Variants in EHBP1 observed in about 807,000 individuals in gnomAD.
EHBP1 encodes EH domain-binding protein 1.
EHBP1 carries 55 observed loss-of-function variants against 144.0 expected under a neutral mutation model. That is an observed-to-expected ratio of 0.38 (90% CI 0.31 to 0.48). The LOEUF is 0.48. Ranked by LOEUF, EHBP1 falls within the 20% of genes least tolerant of loss-of-function variation. The pLI is 0.98. For synonymous variants in EHBP1, 469 were observed against 472.7 expected, an observed-to-expected ratio of 0.99 and a Z score of 0.10; for missense variants, 1,200 against 1,364.2, an observed-to-expected ratio of 0.88 and a Z score of 1.90.
intron 5 of EHBP1, among the ~76,000 whole-genome samples, chr2:62,795,127 CAAGCCTCTTTT>C (rs1010695484): frequency 7.2e-5 from 11 of 151,976 alleles, no homozygotes; most frequent in African/African-American, 2.4e-4. Flanking sequence ...TAGCACAGGT[CAAGCCTCTTTT>C]AATTTATGAG....
At chr2:62,997,596 T>A (rs1267115989) in intron 19 of EHBP1, among the ~76,000 whole-genome samples, 1 of 152,152 alleles carries the variant, frequency 6.6e-6, no homozygotes, top group Middle Eastern at 3.2e-3. Flanking sequence ...ATTCCTGTAA[T>A]CTAATTAATT....
At chr2:62,996,536 A>G in intron 18 of EHBP1, 107 bp from the exon 19 acceptor site, 3 of 1,389,840 alleles carry the variant, frequency 2.2e-6, no homozygotes, top group Non-Finnish European at 3.0e-6. Context: ...GGTGATACTA[A>G]CGGTGTATTT....
chr2:62,843,679 A>C (rs1049058727), intron 7 of EHBP1, among the ~76,000 whole-genome samples: 2 of 152,156 alleles, frequency 1.3e-5, no homozygotes, highest in Non-Finnish European at 2.9e-5. Context: ...AAAGTTACTA[A>C]CTTTCAGGGA....
chr2:62,984,717 A>G (rs921815447), intron 15 of EHBP1, among the ~76,000 whole-genome samples: 3 of 152,208 alleles, frequency 2.0e-5, no homozygotes, highest in African/African-American at 4.8e-5. Flanking sequence ...CCTGAGCTGT[A>G]TAGATCACTT....
intron 1 of EHBP1, among the ~76,000 whole-genome samples, chr2:62,694,647 A>G (rs1457171882): frequency 6.6e-6 from 1 of 152,158 alleles, no homozygotes; most frequent in Non-Finnish European, 1.5e-5. Context: ...TTAGAGCTGG[A>G]AGGGGTCTTA....
At chr2:62,892,741 C>CG (rs1450874529) in intron 10 of EHBP1, among the ~76,000 whole-genome samples, 2 of 152,038 alleles carry the variant, frequency 1.3e-5, no homozygotes, top group African/African-American at 4.8e-5. Context: ...TTTGCTCCCT[C>CG]CCACCCTCAA....
At chr2:62,791,589 G>A (rs190404111) in intron 5 of EHBP1, among the ~76,000 whole-genome samples, 19 of 151,870 alleles carry the variant, frequency 1.3e-4, no homozygotes, top group African/African-American at 4.1e-4. Flanking sequence ...TTCTGTAATC[G>A]AGTGAAAAAT....
chr2:62,864,114 T>C (rs1365126282), intron 8 of EHBP1, among the ~76,000 whole-genome samples: 1 of 151,800 alleles, frequency 6.6e-6, no homozygotes, highest in African/African-American at 2.4e-5. Context: ...TCCCAAAGAG[T>C]TGGGATTACA....
chr2:62,995,866 T>G (rs372984723), intron 18 of EHBP1, among the ~76,000 whole-genome samples: 1 of 152,084 alleles, frequency 6.6e-6, no homozygotes, highest in African/African-American at 2.4e-5. Flanking sequence ...AAAAATATAT[T>G]TTTTTAAACA....
chr2:62,899,651 A>G (rs1437884891), intron 10 of EHBP1, among the ~76,000 whole-genome samples: 1 of 152,228 alleles, frequency 6.6e-6, no homozygotes, highest in Non-Finnish European at 1.5e-5. Context: ...GGAGTTCCAC[A>G]CTGAGGCCAT....
chr2:62,874,570 T>A, intron 10 of EHBP1, 38 bp downstream of exon 10: 1 of 1,488,644 alleles, frequency 6.7e-7, no homozygotes, highest in Non-Finnish European at 9.1e-7. Flanking sequence ...TATTAATATT[T>A]GCTGTTTTCT....
intron 3 of EHBP1, among the ~76,000 whole-genome samples, chr2:62,752,746 T>C (rs2039875391): frequency 6.6e-6 from 1 of 152,148 alleles, no homozygotes; most frequent in South Asian, 2.1e-4. Flanking sequence ...GCCTTCTTTG[T>C]CTCTTTTGGT....
At chr2:62,849,579 A>G (rs981466124) in intron 7 of EHBP1, among the ~76,000 whole-genome samples, 21 of 152,226 alleles carry the variant, frequency 1.4e-4, no homozygotes, top group African/African-American at 5.1e-4. Context: ...ATACATGCAT[A>G]CATGCATAGA....
At chr2:62,750,628 T>A (rs2039601611) in intron 3 of EHBP1, among the ~76,000 whole-genome samples, 1 of 152,248 alleles carries the variant, frequency 6.6e-6, no homozygotes, top group South Asian at 2.1e-4. Flanking sequence ...TGGAATGTTC[T>A]TGCATTTGTT....
chr2:62,780,749 A>T (rs2042367100), intron 5 of EHBP1, among the ~76,000 whole-genome samples: 1 of 152,214 alleles, frequency 6.6e-6, no homozygotes, highest in Non-Finnish European at 1.5e-5. Flanking sequence ...TACATGCCAG[A>T]TAATTTATTT....
At chr2:62,705,156 T>C (rs1395755027), upstream of EHBP1, among the ~76,000 whole-genome samples, 1 of 151,964 alleles carries the variant, frequency 6.6e-6, no homozygotes, top group African/African-American at 2.4e-5. Context: ...TCAGGTAAGA[T>C]CCCAGGAGGA....
At chr2:62,855,404 C>A (rs541695926) in intron 7 of EHBP1, among the ~76,000 whole-genome samples, 1 of 152,192 alleles carries the variant, frequency 6.6e-6, no homozygotes, top group African/African-American at 2.4e-5. Flanking sequence ...CTGCAGGCAC[C>A]CATTGGCACC....
chr2:62,707,401 T>C, intron 2 of EHBP1, 106 bp downstream of exon 2: 1 of 793,842 alleles, frequency 1.3e-6, no homozygotes, highest in Non-Finnish European at 2.1e-6. Flanking sequence ...AGTGCACTAG[T>C]GTGTAGAAGC....
chr2:62,986,771 G>A (rs1437378983), intron 15 of EHBP1, among the ~76,000 whole-genome samples: 1 of 151,874 alleles, frequency 6.6e-6, no homozygotes, highest in African/African-American at 2.4e-5. Context: ...TCTTCCAAAT[G>A]GTTTACATAG....
Sources: allele counts gnomAD v4.1 joint callset (sites outside exome capture counted in the v4.1 genomes callset), GRCh38; gene constraint gnomAD v4.1.1; transcripts MANE v1.5; gene names NCBI Gene and HGNC (gene_info 2026-07-23, HGNC 2026-07-21).